The following HIVEP3 variants were observed in gnomAD, a reference collection of about 807,000 sequenced individuals.
HIVEP3 encodes HIVEP zinc finger 3, also known as transcription factor HIVEP3.
In HIVEP3, 49 loss-of-function variants were observed where a neutral mutation model predicts 152.8. The ratio of observed to expected loss-of-function variants is 0.32; its 90% CI spans 0.26 to 0.41. The LOEUF (loss-of-function observed/expected upper bound fraction) is 0.41, where lower values mean the gene tolerates loss of function less well. Ranked by LOEUF, HIVEP3 falls within the 10% of genes least tolerant of loss-of-function variation. The pLI, the probability that HIVEP3 is intolerant of heterozygous loss-of-function variation, is 1.00. For synonymous variants in HIVEP3, 1,269 were observed against 1,289.0 expected, an observed-to-expected ratio of 0.98 and a Z score of 0.33; for missense variants, 2,790 against 3,103.3, an observed-to-expected ratio of 0.90 and a Z score of 2.40.
chr1:41,717,664 GAA>G (rs1331252758), intron 1 of HIVEP3, among the ~76,000 whole-genome samples: 1 of 152,214 alleles, frequency 6.6e-6, no homozygotes, highest in Non-Finnish European at 1.5e-5. Context: ...GTGCTCTTGG[GAA>G]AAGAGAGGCT....
intron 1 of HIVEP3, among the ~76,000 whole-genome samples, chr1:41,961,897 A>G (rs1201022873): frequency 1.3e-5 from 2 of 152,290 alleles, no homozygotes; most frequent in African/African-American, 2.4e-5. Context: ...TCCTAAATAC[A>G]TAAGACAAAT....
chr1:41,825,046 T>C (rs72961285), intron 1 of HIVEP3, among the ~76,000 whole-genome samples: 1 of 151,972 alleles, frequency 6.6e-6, no homozygotes, highest in Non-Finnish European at 1.5e-5. Flanking sequence ...AGAGACCACC[T>C]GACCAGGCTT....
intron 2 of HIVEP3, among the ~76,000 whole-genome samples, chr1:41,639,615 G>A (rs1645341457): frequency 6.6e-6 from 1 of 152,082 alleles, no homozygotes; most frequent in African/African-American, 2.4e-5. Context: ...TCTGGCTTCT[G>A]TTTTGGGGTT....
chr1:41,630,037 A>AGT (rs1645171742), intron 2 of HIVEP3, among the ~76,000 whole-genome samples: 1 of 152,236 alleles, frequency 6.6e-6, no homozygotes, highest in African/African-American at 2.4e-5. Flanking sequence ...CATGCCCATG[A>AGT]GTGGTGGATG....
At chr1:41,537,400 C>G (rs1241189533) in intron 5 of HIVEP3, among the ~76,000 whole-genome samples, 1 of 152,198 alleles carries the variant, frequency 6.6e-6, no homozygotes, top group African/African-American at 2.4e-5. Context: ...ATGTGACGAG[C>G]AATGCACACA....
In HIVEP3 at chr1:41,584,974, T is replaced by A; in HGVS notation, c.-177A>T. On this transcript the variant is annotated 5_prime_UTR_variant, in exon 4 of 9. Coordinates refer to ENST00000372583, the MANE Select transcript of HIVEP3 (RefSeq NM_024503.5). This position sits in a 1 kb window ranked among gnomAD's most constrained non-coding sequence, Gnocchi z 5.2. ...CAAGTGTCACTGGCTGTGAGTGGACTCGGAGCAGGTCATCAGGGCCCACGC... is the reference window on the plus strand; with the variant it reads ...CAAGTGTCACTGGCTGTGAGTGGACACGGAGCAGGTCATCAGGGCCCACGC... 2.1e-6 allele frequency: 1 copy of A among 480,476 alleles called. No individual in the cohort carries two copies. Among genetic ancestry groups the A allele is most frequent in the Non-Finnish European group, 3.5e-6 (1 of 285,396 alleles). The allele number at this position is 480,476 out of a possible 1,614,324, so 29.8% of individuals were successfully genotyped here.
intron 1 of HIVEP3, among the ~76,000 whole-genome samples, chr1:41,933,657 C>T (rs922605137): frequency 6.6e-6 from 1 of 152,126 alleles, no homozygotes; most frequent in Admixed American, 6.6e-5. Flanking sequence ...AGACCATTCA[C>T]ATTTAATGTG....
Position 41,889,919 on chromosome 1 carries a change from G to A in HIVEP3, c.-801+28494C>T, listed in dbSNP as rs757786535. ...GCCTAGAAAGGCAAGTGGCTTGCCC[G>A]GAATTAACAATAATAGTTTAACCAT... On this transcript the variant is annotated intron_variant, in intron 1 of 8. Coordinates refer to ENST00000372583, the MANE Select transcript of HIVEP3 (RefSeq NM_024503.5). Among the ~76,000 whole-genome samples the A allele has an allele frequency of 5.9e-5, 9 of 152,186 alleles. No individual in the cohort carries two copies. In the South Asian group the frequency reaches 6.2e-4, roughly 11 times the overall value.
chr1:41,604,013 G>T (rs1020163706), intron 3 of HIVEP3, among the ~76,000 whole-genome samples: 5 of 152,246 alleles, frequency 3.3e-5, no homozygotes, highest in Non-Finnish European at 7.3e-5. Flanking sequence ...CAGCTAACAT[G>T]AAGCAAACAA....
chr1:41,650,721 C>T (rs1443576592), intron 2 of HIVEP3, among the ~76,000 whole-genome samples: 1 of 152,118 alleles, frequency 6.6e-6, no homozygotes, highest in Admixed American at 6.5e-5. Context: ...TCTACATGTG[C>T]ATACACAGAC....
intron 2 of HIVEP3, among the ~76,000 whole-genome samples, chr1:41,631,554 C>T (rs1327930516): frequency 3.3e-5 from 5 of 152,096 alleles, no homozygotes; most frequent in East Asian, 3.9e-4. Context: ...GCAACCATAT[C>T]GCACTGCTGA....
chr1:41,906,308 GAA>G (rs11383763), intron 1 of HIVEP3, among the ~76,000 whole-genome samples: 1 of 142,386 alleles, frequency 7.0e-6, no homozygotes. Flanking sequence ...GACTCTGTCT[GAA>G]AAAAAAAAAA....
At chr1:41,774,159 AC>A (rs2124270657) in intron 1 of HIVEP3, among the ~76,000 whole-genome samples, 1 of 152,282 alleles carries the variant, frequency 6.6e-6, no homozygotes, top group East Asian at 1.9e-4. Flanking sequence ...TCACTCCTGC[AC>A]CTGCCTCTGC....
intron 5 of HIVEP3, among the ~76,000 whole-genome samples, chr1:41,528,125 T>A (rs1392840604): frequency 1.1e-5 from 1 of 88,048 alleles, no homozygotes; most frequent in Non-Finnish European, 2.2e-5. Context: ...ACCCTTACCC[T>A]CACCTTCATA....
At chr1:41,996,148 A>C (rs1359205144) in intron 1 of HIVEP3, among the ~76,000 whole-genome samples, 1 of 151,980 alleles carries the variant, frequency 6.6e-6, no homozygotes, top group Non-Finnish European at 1.5e-5. Flanking sequence ...AATCCCAGCA[A>C]TCAGGAGGCT....
At chr1:41,828,113 C>T (rs116608198) in intron 1 of HIVEP3, among the ~76,000 whole-genome samples, 1,763 of 152,296 alleles carry the variant, frequency 0.012, 33 homozygotes, top group African/African-American at 0.035. Context: ...GGGATGATGC[C>T]GGGCTTCCCC....
chr1:41,636,145 G>T (rs1645269615), intron 2 of HIVEP3, among the ~76,000 whole-genome samples: 1 of 152,208 alleles, frequency 6.6e-6, no homozygotes, highest in Non-Finnish European at 1.5e-5. Context: ...GGAGCTGAGA[G>T]TCTGGTGAGG....
intron 5 of HIVEP3, among the ~76,000 whole-genome samples, chr1:41,525,478 T>C (rs1354361701): frequency 6.6e-6 from 1 of 152,098 alleles, no homozygotes; most frequent in Non-Finnish European, 1.5e-5. Context: ...GCTTTGAACC[T>C]GCCTGCCCCA....
At chr1:41,715,113 T>C (rs1646571892) in intron 1 of HIVEP3, among the ~76,000 whole-genome samples, 1 of 152,200 alleles carries the variant, frequency 6.6e-6, no homozygotes, top group African/African-American at 2.4e-5. Context: ...CTGCCTGGGC[T>C]GCTTCCTTCA....
Sources: allele counts gnomAD v4.1 joint callset (sites outside exome capture counted in the v4.1 genomes callset), GRCh38; gene constraint gnomAD v4.1.1; non-coding constraint Gnocchi (gnomAD v3.1); transcripts MANE v1.5; gene names NCBI Gene and HGNC (gene_info 2026-07-23, HGNC 2026-07-21).